ADGRB3: variants seen among roughly 807,000 people sequenced by gnomAD.
ADGRB3 encodes the protein adhesion G protein-coupled receptor B3, also known as brain-specific angiogenesis inhibitor 3.
Under a neutral mutation model 193.4 loss-of-function variants are expected in ADGRB3, and 37 were observed. The observed-to-expected ratio is 0.19, with a 90% CI of 0.15 to 0.25. The LOEUF (loss-of-function observed/expected upper bound fraction) is 0.25, where lower values mean the gene tolerates loss of function less well. Among genes scored for constraint, ADGRB3 ranks in the 10% least tolerant of loss-of-function variants. The pLI is 1.00. For missense variants in ADGRB3, 1,637 were observed against 1,852.9 expected, an observed-to-expected ratio of 0.88 and a Z score of 2.14; for synonymous variants, 690 against 644.2, an observed-to-expected ratio of 1.07 and a Z score of -1.08.
intron 17 of ADGRB3, among the ~76,000 whole-genome samples, chr6:69,106,507 A>G (rs1020056288): frequency 6.6e-6 from 1 of 152,242 alleles, no homozygotes; most frequent in Non-Finnish European, 1.5e-5. Context: ...TAAGAAAGTA[A>G]ATCACCTTTT....
chr6:68,660,709 A>G (rs986688778), intron 3 of ADGRB3, among the ~76,000 whole-genome samples: 1 of 151,162 alleles, frequency 6.6e-6, no homozygotes, highest in Admixed American at 6.6e-5. Flanking sequence ...AAATGCTTCA[A>G]TTACATAGCA....
intron 3 of ADGRB3, among the ~76,000 whole-genome samples, chr6:68,800,364 C>G (rs1186045811): frequency 6.6e-6 from 1 of 152,080 alleles, no homozygotes; most frequent in Non-Finnish European, 1.5e-5. Context: ...TGGACATTCA[C>G]ATAAAGATGT....
intron 17 of ADGRB3, among the ~76,000 whole-genome samples, chr6:69,153,209 G>T (rs1774728966): frequency 6.6e-6 from 1 of 152,154 alleles, no homozygotes; most frequent in Non-Finnish European, 1.5e-5. Context: ...TATTAGGGCA[G>T]AGATTAACCC....
chr6:69,304,140 G>C (rs1286054612), intron 20 of ADGRB3, among the ~76,000 whole-genome samples: 1 of 151,214 alleles, frequency 6.6e-6, no homozygotes. Context: ...TTTCCAAGTT[G>C]AACAAAATTT....
At chr6:69,001,794 A>T (rs1353984753) in intron 11 of ADGRB3, among the ~76,000 whole-genome samples, 2 of 152,200 alleles carry the variant, frequency 1.3e-5, no homozygotes, top group Non-Finnish European at 2.9e-5. Context: ...CTCATTGATC[A>T]CACTTCTGTG....
intron 15 of ADGRB3, among the ~76,000 whole-genome samples, chr6:69,057,230 G>A (rs924848471): frequency 1.3e-5 from 2 of 151,932 alleles, no homozygotes; most frequent in Non-Finnish European, 1.5e-5. Context: ...ATTTTTGTGC[G>A]TTAATTTTCT....
intron 15 of ADGRB3, among the ~76,000 whole-genome samples, chr6:69,053,389 T>C (rs1156881169): frequency 1.3e-5 from 2 of 152,204 alleles, no homozygotes; most frequent in South Asian, 2.1e-4. Context: ...CTATATCTCA[T>C]TCCCTCTATT....
chr6:69,134,293 G>A (rs1453353787), intron 17 of ADGRB3, among the ~76,000 whole-genome samples: 1 of 151,898 alleles, frequency 6.6e-6, no homozygotes, highest in East Asian at 1.9e-4. Context: ...CTTTACTGAG[G>A]GTTCAGGGTA....
At position 68,796,712 on chromosome 6, in the gene ADGRB3, G is replaced by A. The variant is rs544447896; in HGVS notation, c.758-133847G>A. Among the ~76,000 whole-genome samples the A allele has an allele frequency of 1.6e-4, 25 of 152,142 alleles. No homozygotes were observed. In the South Asian group the frequency reaches 2.9e-3, roughly 18 times the overall value. On this transcript the variant is annotated intron_variant, in intron 3 of 31. Coordinates refer to ENST00000370598, the MANE Select transcript of ADGRB3 (RefSeq NM_001704.3). The stretch of plus-strand genomic sequence containing the variant: ...CTAAAACTTCTGGTGCAATCAGTCC[G>A]GGAACTGTAACAACTTAGGCACAAT...
intron 26 of ADGRB3, among the ~76,000 whole-genome samples, chr6:69,353,447 C>A (rs1312880499): frequency 6.6e-6 from 1 of 152,160 alleles, no homozygotes; most frequent in African/African-American, 2.4e-5. Context: ...AGATAGTCTA[C>A]TCAAAGATTT....
chr6:68,728,902 T>C (rs2127330073), intron 3 of ADGRB3, among the ~76,000 whole-genome samples: 1 of 151,582 alleles, frequency 6.6e-6, no homozygotes, highest in East Asian at 1.9e-4. Context: ...TCAGACTGTA[T>C]ATTTATCAGA....
chr6:68,714,971 T>C (rs1765465637), intron 3 of ADGRB3, among the ~76,000 whole-genome samples: 1 of 151,780 alleles, frequency 6.6e-6, no homozygotes, highest in Non-Finnish European at 1.5e-5. Context: ...AATGAGTTAG[T>C]GCACATCAAT....
chr6:68,700,332 A>G (rs1474220791), intron 3 of ADGRB3, among the ~76,000 whole-genome samples: 3 of 152,076 alleles, frequency 2.0e-5, no homozygotes, highest in Non-Finnish European at 4.4e-5. Flanking sequence ...TTTTCCCTTG[A>G]GTAGATCTAC....
chr6:68,809,156 C>T (rs1312549484), intron 3 of ADGRB3, among the ~76,000 whole-genome samples: 2 of 151,984 alleles, frequency 1.3e-5, no homozygotes, highest in Admixed American at 6.6e-5. Flanking sequence ...AATAAATAAA[C>T]GTTTCTAGAG....
chr6:69,030,907 G>T (rs9718113), intron 13 of ADGRB3, among the ~76,000 whole-genome samples: 15,526 of 132,950 alleles, frequency 0.12, 1,738 homozygotes, highest in East Asian at 0.59. Context: ...GAGTTAACAC[G>T]TAGACTTAGC....
rs1299662781 is a variant in ADGRB3, at chr6:68,971,829, A to G, written c.1526-2934A>G. 2.0e-5 allele frequency among the ~76,000 whole-genome samples: 3 copies of G among 152,192 alleles called. No homozygotes were observed. The East Asian group carries it at 5.8e-4, about 29-fold the overall frequency. ...CACCGCTTCCCCTTCATTGGCATTA[A>G]TCTGGGCACCACGAGTTTCATAGCA... On this transcript the variant is annotated intron_variant, in intron 8 of 31. Transcript: ENST00000370598.
At chr6:68,719,691 ATTTTCTTTTT>A (rs1296791903) in intron 3 of ADGRB3, among the ~76,000 whole-genome samples, 1 of 150,886 alleles carries the variant, frequency 6.6e-6, no homozygotes, top group Non-Finnish European at 1.5e-5. Flanking sequence ...CTCTTCTCCT[ATTTTCTTTTT>A]TTTTCTTTTG....
intron 17 of ADGRB3, among the ~76,000 whole-genome samples, chr6:69,205,905 C>A (rs1336237659): frequency 1.3e-5 from 2 of 151,224 alleles, no homozygotes; most frequent in African/African-American, 4.9e-5. Flanking sequence ...CCTGCCTCAG[C>A]CTCTCAAGTA....
chr6:69,156,587 A>G (rs1399527210), intron 17 of ADGRB3, among the ~76,000 whole-genome samples: 5 of 152,226 alleles, frequency 3.3e-5, no homozygotes, highest in Non-Finnish European at 1.5e-5. Flanking sequence ...GGATATGTTC[A>G]GAAAGCATTG....
Sources: gnomAD v4.1 joint callset for allele counts (sites outside exome capture counted in the v4.1 genomes callset) on GRCh38, gnomAD v4.1.1 for gene constraint, MANE v1.5 for transcripts, NCBI Gene and HGNC (gene_info 2026-07-23, HGNC 2026-07-21) for gene names.